Variants in EMID1 observed in about 807,000 individuals in gnomAD.
EMID1 encodes the protein EMI domain-containing protein 1.
EMID1 carries 40 observed loss-of-function variants against 60.6 expected under a neutral mutation model. The observed-to-expected ratio is 0.66, with a 90% CI of 0.51 to 0.86. The LOEUF (loss-of-function observed/expected upper bound fraction) is 0.86, where lower values mean the gene tolerates loss of function less well. Among genes scored for constraint, EMID1 ranks in the 40% least tolerant of loss-of-function variants. The pLI is 0.00. For missense variants in EMID1, 585 were observed against 597.1 expected, an observed-to-expected ratio of 0.98 and a Z score of 0.21; for synonymous variants, 242 against 231.0, an observed-to-expected ratio of 1.05 and a Z score of -0.43.
chr22:29,212,530 C>T (rs2039929671), intron 1 of EMID1, among the ~76,000 whole-genome samples: 1 of 151,104 alleles, frequency 6.6e-6, no homozygotes, highest in Admixed American at 6.6e-5. Context: ...GGGGCACGTC[C>T]TGGACCCCAG....
chr22:29,206,594 G>C (rs2039666238), intron 1 of EMID1, among the ~76,000 whole-genome samples: 1 of 152,144 alleles, frequency 6.6e-6, no homozygotes, highest in African/African-American at 2.4e-5. Flanking sequence ...GAGGGACTGG[G>C]GTGGAGTCTC....
At chr22:29,254,048 C>T (rs1369751282) in intron 13 of EMID1, 155 bp from the exon 14 acceptor site, 1 of 985,324 alleles carries the variant, frequency 1.0e-6, no homozygotes, top group Non-Finnish European at 1.2e-6. Context: ...CCTGTCCTCA[C>T]CTGGTCTTGT....
intron 14 of EMID1, chr22:29,255,325 A>T (rs1254753520): frequency 6.6e-7 from 1 of 1,525,082 alleles, no homozygotes; most frequent in Non-Finnish European, 8.8e-7. Context: ...GCTCCTGGCC[A>T]GACGGGTCAC....
chr22:29,230,525 C>T lies in EMID1; in HGVS notation c.466-495C>T, dbSNP rs143074274. ...TGGTGTCAGTGACTTTTCCATAATG[C>T]GTGTTATGAATTGTGTGCTTTGAAA... On this transcript the variant is annotated intron_variant, in intron 5 of 14. Transcript: ENST00000334018. Among the ~76,000 whole-genome samples the T allele has an allele frequency of 3.1e-3, 471 of 152,304 alleles. 4 individuals carry two copies. The highest frequency in any genetic ancestry group is 0.011 in the African/African-American group (450 of 41,566).
intron 3 of EMID1, among the ~76,000 whole-genome samples, chr22:29,224,925 C>T (rs968347657): frequency 6.6e-6 from 1 of 152,208 alleles, no homozygotes; most frequent in Non-Finnish European, 1.5e-5. Flanking sequence ...CCATTGCCAG[C>T]CCCTCTTTCC....
chr22:29,234,814 A>G (rs2040882253), intron 12 of EMID1, among the ~76,000 whole-genome samples: 1 of 151,710 alleles, frequency 6.6e-6, no homozygotes, highest in Non-Finnish European at 1.5e-5. Flanking sequence ...TTAATAGCAC[A>G]CCAGCTTTCT....
intron 2 of EMID1, 53 bp downstream of exon 2, chr22:29,215,092 G>A: frequency 6.7e-7 from 1 of 1,489,890 alleles, no homozygotes; most frequent in Non-Finnish European, 9.0e-7. Context: ...GCACAGTTTG[G>A]GCAAAGGCCT....
At chr22:29,207,918 G>C (rs71327341) in intron 1 of EMID1, among the ~76,000 whole-genome samples, 6,801 of 152,282 alleles carry the variant, frequency 0.045, 233 homozygotes, top group African/African-American at 0.086. Flanking sequence ...GGAGTTAGGG[G>C]CTCCAGCCTT....
intron 13 of EMID1, among the ~76,000 whole-genome samples, chr22:29,249,906 C>T (rs5763105): frequency 0.13 from 19,948 of 152,090 alleles, 1,489 homozygotes; most frequent in East Asian, 0.23. Flanking sequence ...TGAGCCACCA[C>T]GCCTGGCCCC....
intron 13 of EMID1, among the ~76,000 whole-genome samples, chr22:29,253,682 G>C (rs2041602812): frequency 6.6e-6 from 1 of 152,184 alleles, no homozygotes; most frequent in South Asian, 2.1e-4. Context: ...ATATTCATTT[G>C]GGCATAAGTG....
intron 13 of EMID1, among the ~76,000 whole-genome samples, chr22:29,253,155 A>C (rs992794169): frequency 1.3e-5 from 2 of 152,224 alleles, no homozygotes; most frequent in Non-Finnish European, 2.9e-5. Flanking sequence ...TCAAAAATGC[A>C]CTTTTTTGGC....
intron 1 of EMID1, among the ~76,000 whole-genome samples, chr22:29,206,917 G>A (rs2039683001): frequency 6.6e-6 from 1 of 152,202 alleles, no homozygotes; most frequent in African/African-American, 2.4e-5. Context: ...TTGCAAATCT[G>A]CCCTTCTATC....
At chr22:29,248,359 A>G (rs913531125) in intron 13 of EMID1, among the ~76,000 whole-genome samples, 1 of 150,744 alleles carries the variant, frequency 6.6e-6, no homozygotes, top group Non-Finnish European at 1.5e-5. Context: ...CAGGATCATC[A>G]GTATCACTGT....
intron 14 of EMID1, 167 bp downstream of exon 14, chr22:29,254,454 T>A: frequency 1.5e-6 from 1 of 662,042 alleles, no homozygotes. Context: ...CCTCAATGAC[T>A]GGTTCCCTCC....
chr22:29,257,087 C>A (rs1398684566), intron 14 of EMID1, among the ~76,000 whole-genome samples: 2 of 152,184 alleles, frequency 1.3e-5, no homozygotes, highest in Non-Finnish European at 2.9e-5. Flanking sequence ...TCTGTCCCTG[C>A]CTTCAGCCAG....
chr22:29,224,827 C>T (rs1398454659), intron 3 of EMID1, among the ~76,000 whole-genome samples: 1 of 152,184 alleles, frequency 6.6e-6, no homozygotes, highest in African/African-American at 2.4e-5. Flanking sequence ...AGGGCTCGGA[C>T]CCAGGCTTGT....
chr22:29,221,066 CGTGTGTGTGTGT>C (rs59651061), intron 3 of EMID1, among the ~76,000 whole-genome samples: 2,401 of 100,050 alleles, frequency 0.024, 81 homozygotes, highest in Admixed American at 0.066. Flanking sequence ...GGGGTGGGAA[CGTGTGTGTGTGT>C]GTGTGTGTGT....
chr22:29,217,482 G>T (rs1285365659), intron 3 of EMID1, among the ~76,000 whole-genome samples: 1 of 152,238 alleles, frequency 6.6e-6, no homozygotes, highest in Non-Finnish European at 1.5e-5. Flanking sequence ...AAGTCATTGT[G>T]CAAGGGCCCT....
chr22:29,249,583 C>CTTTA (rs202158968), intron 13 of EMID1, among the ~76,000 whole-genome samples: 1,395 of 137,882 alleles, frequency 0.01, 7 homozygotes, highest in Non-Finnish European at 0.015. Flanking sequence ...CCCAAAATAC[C>CTTTA]TTTATTATTT....
Sources: gnomAD v4.1 joint callset for allele counts (sites outside exome capture counted in the v4.1 genomes callset) on GRCh38, gnomAD v4.1.1 for gene constraint, MANE v1.5 for transcripts, NCBI Gene and HGNC (gene_info 2026-07-23, HGNC 2026-07-21) for gene names.